Variants in AMD1 observed in about 807,000 individuals in gnomAD.
AMD1 encodes S-adenosylmethionine decarboxylase proenzyme.
In AMD1, 11 loss-of-function variants were observed where a neutral mutation model predicts 40.2. The observed-to-expected ratio is 0.27, with a 90% CI of 0.17 to 0.45. The LOEUF (loss-of-function observed/expected upper bound fraction) is 0.45, where lower values mean the gene tolerates loss of function less well. Among genes scored for constraint, AMD1 ranks in the 20% least tolerant of loss-of-function variants. AMD1 has a pLI of 1.00. For missense variants in AMD1, 257 were observed against 410.2 expected, an observed-to-expected ratio of 0.63 and a Z score of 3.23; for synonymous variants, 121 against 130.8, an observed-to-expected ratio of 0.93 and a Z score of 0.51.
the AMD1 span, among the ~76,000 whole-genome samples, chr6:110,847,414 A>G: frequency 1.3e-5 from 2 of 151,126 alleles, no homozygotes; most frequent in East Asian, 3.9e-4. Context: ...AGTCTCAGCT[A>G]CTCGGGAGGC....
the AMD1 span, among the ~76,000 whole-genome samples, chr6:110,868,411 C>T: frequency 1.7e-4 from 26 of 151,990 alleles, no homozygotes; most frequent in African/African-American, 5.1e-4. Context: ...GGACTCCAAA[C>T]GTGCTGGGAT....
the AMD1 span, among the ~76,000 whole-genome samples, chr6:110,869,708 C>T: frequency 6.6e-6 from 1 of 151,686 alleles, no homozygotes; most frequent in South Asian, 2.1e-4. Context: ...GGGGGTTCTC[C>T]TTTTTGTTCA....
chr6:110,883,007 C>G (rs1232343942), intron 1 of AMD1, among the ~76,000 whole-genome samples: 1 of 152,020 alleles, frequency 6.6e-6, no homozygotes, highest in African/African-American at 2.4e-5. Context: ...CCCTGTGGTC[C>G]CAGCTACTTG....
At chr6:110,880,004 C>G (rs12208560) in intron 1 of AMD1, among the ~76,000 whole-genome samples, 5,598 of 151,274 alleles carry the variant, frequency 0.037, 131 homozygotes, top group Middle Eastern at 0.071. Flanking sequence ...CACCCAGGTT[C>G]GAGTGCAGTG....
rs577639929 is a variant in AMD1 at position 110,884,675 on chromosome 6, C to T, written c.111-2830C>T. Among the ~76,000 whole-genome samples, 8 of 152,116 alleles carry T rather than the reference C, an allele frequency of 5.3e-5. No individual in the cohort carries two copies. In the South Asian group the frequency reaches 1.7e-3, roughly 32 times the overall value. Reference sequence around the variant, plus strand: ...TTGAACTTCTGGTCTCGTGATCCTTCCTTCTTGGCCTCTGAACCACAGTGC... The same window carrying T: ...TTGAACTTCTGGTCTCGTGATCCTTTCTTCTTGGCCTCTGAACCACAGTGC... On this transcript the variant is annotated intron_variant, in intron 1 of 8. Coordinates refer to ENST00000368885, the MANE Select transcript of AMD1 (RefSeq NM_001634.6).
chr6:110,839,303 C>T, the AMD1 span, among the ~76,000 whole-genome samples: 1 of 152,188 alleles, frequency 6.6e-6, no homozygotes, highest in Non-Finnish European at 1.5e-5. Context: ...AGTCAACTAA[C>T]ATTTATTGCC....
chr6:110,863,917 C>T, the AMD1 span: 1 of 491,932 alleles, frequency 2.0e-6, no homozygotes, highest in South Asian at 1.5e-5. Flanking sequence ...CATAGCCAAC[C>T]AAAAAAACAT....
At chr6:110,873,500 C>G (rs2796749), upstream of AMD1, among the ~76,000 whole-genome samples, 120,403 of 152,198 alleles carry the variant, frequency 0.79, 48,308 homozygotes, top group Middle Eastern at 0.87. Context: ...AGTGCAAACC[C>G]AAACCATGTC....
chr6:110,866,833 G>A, the AMD1 span, among the ~76,000 whole-genome samples: 172 of 149,448 alleles, frequency 1.2e-3, no homozygotes, highest in African/African-American at 4.0e-3. Context: ...TTTTTTTTGA[G>A]ACAGAGTTTC....
chr6:110,853,830 C>T, the AMD1 span, among the ~76,000 whole-genome samples: 1 of 152,234 alleles, frequency 6.6e-6, no homozygotes, highest in African/African-American at 2.4e-5. Flanking sequence ...TACAATCCTC[C>T]ATTATCTACA....
chr6:110,847,062 TG>T, the AMD1 span, among the ~76,000 whole-genome samples: 143 of 123,638 alleles, frequency 1.2e-3, no homozygotes, highest in African/African-American at 3.5e-3. Flanking sequence ...TGTGTGTGTG[TG>T]GTGTGTGTGT....
chr6:110,828,399 C>A, the AMD1 span, among the ~76,000 whole-genome samples: 1 of 151,348 alleles, frequency 6.6e-6, no homozygotes, highest in African/African-American at 2.4e-5. Flanking sequence ...CGCCATTGCA[C>A]TCCAGCCTGG....
At chr6:110,869,691 C>T in the AMD1 span, among the ~76,000 whole-genome samples, 3 of 150,892 alleles carry the variant, frequency 2.0e-5, no homozygotes, top group African/African-American at 7.3e-5. Context: ...GTATTTTTAG[C>T]AGAGACGGGG....
Position 110,894,042 on chromosome 6 carries a change from T to C in AMD1, c.*426T>C, listed in dbSNP as rs2298886. On this transcript the variant is annotated 3_prime_UTR_variant, in exon 9 of 9. Coordinates refer to ENST00000368885, the MANE Select transcript of AMD1 (RefSeq NM_001634.6). ...AACCCTCTAGGACTGTTCTATTAAA[T>C]TGCTGCCAGAATTTTACATCCAGTT... is the stretch of plus-strand genomic sequence containing the variant. The C allele has an allele frequency of 0.036, 5,592 of 154,672 alleles. 352 individuals carry two copies. The highest frequency in any genetic ancestry group is 0.32 in the East Asian group (1,689 of 5,248). 9.6% of individuals were successfully genotyped at this position (154,672 alleles called of 1,614,324 possible).
the AMD1 span, among the ~76,000 whole-genome samples, chr6:110,860,508 A>C: frequency 7.9e-5 from 12 of 152,098 alleles, no homozygotes; most frequent in Admixed American, 3.3e-4. Context: ...TTAAAAAAAA[A>C]CACACACATA....
At chr6:110,865,983 G>A in the AMD1 span, among the ~76,000 whole-genome samples, 1 of 151,588 alleles carries the variant, frequency 6.6e-6, no homozygotes, top group African/African-American at 2.4e-5. Context: ...GGCTGGTCTC[G>A]AACTCCTGAC....
the AMD1 span, among the ~76,000 whole-genome samples, chr6:110,818,922 C>T: frequency 6.6e-6 from 1 of 152,190 alleles, no homozygotes; most frequent in Non-Finnish European, 1.5e-5. Context: ...ATTCTGTAGG[C>T]AATAGGAAGC....
chr6:110,815,269 C>CTCTCG, the AMD1 span: 1 of 1,055,638 alleles, frequency 9.5e-7, no homozygotes, highest in Non-Finnish European at 1.2e-6. Flanking sequence ...CGCCCGCCGC[C>CTCTCG]CGCCGCTCCG....
upstream of AMD1, among the ~76,000 whole-genome samples, chr6:110,872,235 T>G (rs1266217871): frequency 6.6e-6 from 1 of 152,118 alleles, no homozygotes; most frequent in Non-Finnish European, 1.5e-5. Flanking sequence ...TGTCTTTACA[T>G]CTTTTAGGGA....
Sources: gnomAD v4.1 joint callset for allele counts (sites outside exome capture counted in the v4.1 genomes callset) on GRCh38, gnomAD v4.1.1 for gene constraint, MANE v1.5 for transcripts, NCBI Gene and HGNC (gene_info 2026-07-23, HGNC 2026-07-21) for gene names.